Variants in ADAMTS17 observed in about 807,000 individuals in gnomAD.
The protein encoded by ADAMTS17 is A disintegrin and metalloproteinase with thrombospondin motifs 17.
In ADAMTS17, 113 loss-of-function variants were observed where a neutral mutation model predicts 141.5. That is an observed-to-expected ratio of 0.80 (90% confidence interval 0.69 to 0.93). The LOEUF (loss-of-function observed/expected upper bound fraction) is 0.93, where lower values mean the gene tolerates loss of function less well. Ranked by LOEUF, ADAMTS17 falls within the 40% of genes least tolerant of loss-of-function variation. The probability of loss-of-function intolerance (pLI) is 0.00; values close to 1 mark genes in which losing one functional copy is unlikely to be tolerated. For synonymous variants in ADAMTS17, 768 were observed against 630.6 expected, an observed-to-expected ratio of 1.22 and a Z score of -3.27; for missense variants, 1,659 against 1,517.9, an observed-to-expected ratio of 1.09 and a Z score of -1.54.
At chr15:100,062,944 C>T (rs1055987893) in intron 15 of ADAMTS17, among the ~76,000 whole-genome samples, 7 of 152,194 alleles carry the variant, frequency 4.6e-5, no homozygotes, top group African/African-American at 1.7e-4. Context: ...CTGCTGTCTC[C>T]ACTTCTGTGT....
At chr15:100,133,371 C>G in intron 10 of ADAMTS17, 56 bp from the exon 11 acceptor site, 3 of 1,518,606 alleles carry the variant, frequency 2.0e-6, no homozygotes, top group Non-Finnish European at 2.7e-6. Flanking sequence ...TCACAGGTCA[C>G]AGCTGGGGTC....
chr15:99,997,653 T>C lies in ADAMTS17; in HGVS notation c.2592-64A>G. The C allele has an allele frequency of 6.2e-6, 10 of 1,600,098 alleles. No individual in the cohort carries two copies. On this transcript the variant is annotated intron_variant, in intron 18 of 21. Transcript: ENST00000268070. This position sits in a 1 kb window ranked among gnomAD's most constrained non-coding sequence, Gnocchi z 4.7. Reference sequence around the variant, plus strand: ...GAGAGGCCAGCCTCTCCGGAGGGCCTTCCGGCCGGATCCTGGAATTGCTGC... The same window carrying C: ...GAGAGGCCAGCCTCTCCGGAGGGCCCTCCGGCCGGATCCTGGAATTGCTGC...
intron 8 of ADAMTS17, among the ~76,000 whole-genome samples, chr15:100,191,683 C>G (rs2040922408): frequency 6.6e-6 from 1 of 152,266 alleles, no homozygotes; most frequent in Non-Finnish European, 1.5e-5. Context: ...CCCACAGTCA[C>G]AAATGCTCCT....
At chr15:100,282,133 C>T (rs2044306110) in intron 3 of ADAMTS17, among the ~76,000 whole-genome samples, 1 of 152,176 alleles carries the variant, frequency 6.6e-6, no homozygotes, top group Admixed American at 6.5e-5. Context: ...CTGCCATAGT[C>T]TTTGTACATG....
chr15:100,290,439 A>C (rs952772506), intron 3 of ADAMTS17, among the ~76,000 whole-genome samples: 2 of 152,232 alleles, frequency 1.3e-5, no homozygotes, highest in East Asian at 3.8e-4. Flanking sequence ...TGTCCAAAGC[A>C]ATTTATAGAT....
At chr15:100,171,183 T>A (rs888762213) in intron 8 of ADAMTS17, among the ~76,000 whole-genome samples, 3 of 152,074 alleles carry the variant, frequency 2.0e-5, no homozygotes, top group African/African-American at 7.2e-5. Flanking sequence ...GCCTCCAAAG[T>A]TCAAAGACCT....
At chr15:100,133,870 A>T (rs1165268981) in intron 10 of ADAMTS17, among the ~76,000 whole-genome samples, 1 of 150,472 alleles carries the variant, frequency 6.6e-6, no homozygotes, top group African/African-American at 2.4e-5. Flanking sequence ...CCCTGCGGTC[A>T]CCTGTTTCTA....
rs1040869325 is a variant in ADAMTS17, at chr15:100,039,957, G to A, written c.2591+8900C>T. 2.6e-5 allele frequency among the ~76,000 whole-genome samples: 4 copies of A among 152,116 alleles called. No individual in the cohort carries two copies. The East Asian group carries it at 7.7e-4, about 29-fold the overall frequency. On this transcript the variant is annotated intron_variant, in intron 18 of 21. Transcript: ENST00000268070. ...GCCCTTTTATCATCATAAAATGTCT[G>A]TATTCTAGTAGTTTTTTTAAAAAAA...
At chr15:100,104,211 G>A (rs1252775334) in intron 14 of ADAMTS17, among the ~76,000 whole-genome samples, 1 of 152,174 alleles carries the variant, frequency 6.6e-6, no homozygotes, top group South Asian at 2.1e-4. Context: ...GTGTATCAGA[G>A]GCTTATTAAC....
intron 8 of ADAMTS17, chr15:100,168,308 G>A (rs1792380534): frequency 6.6e-6 from 1 of 152,232 alleles, no homozygotes; most frequent in Non-Finnish European, 1.5e-5. Context: ...ACACAGCAGA[G>A]CTGAAGAGTA....
At chr15:100,168,182 T>C (rs2040022719) in intron 8 of ADAMTS17, among the ~76,000 whole-genome samples, 1 of 152,186 alleles carries the variant, frequency 6.6e-6, no homozygotes, top group Non-Finnish European at 1.5e-5. Context: ...CATGGCTCCA[T>C]TCACCTCTCC....
chr15:100,026,368 T>C (rs1452451232), intron 18 of ADAMTS17, among the ~76,000 whole-genome samples: 1 of 152,244 alleles, frequency 6.6e-6, no homozygotes, highest in Non-Finnish European at 1.5e-5. Flanking sequence ...ACATGTCTTG[T>C]ACAACTTGCT....
intron 3 of ADAMTS17, among the ~76,000 whole-genome samples, chr15:100,304,516 T>G (rs1016277733): frequency 3.3e-5 from 5 of 152,194 alleles, no homozygotes; most frequent in African/African-American, 1.2e-4. Context: ...TTATAAATCT[T>G]TGATCAATGC....
At chr15:100,219,788 A>G (rs2042076482) in intron 7 of ADAMTS17, among the ~76,000 whole-genome samples, 1 of 152,220 alleles carries the variant, frequency 6.6e-6, no homozygotes, top group Non-Finnish European at 1.5e-5. Flanking sequence ...GAAACCTGGA[A>G]GCATTCAGAA....
chr15:100,294,655 C>A (rs924250448), intron 3 of ADAMTS17, among the ~76,000 whole-genome samples: 7 of 152,130 alleles, frequency 4.6e-5, no homozygotes, highest in Non-Finnish European at 7.4e-5. Context: ...TGCATTGAGC[C>A]ATGACCGTGC....
chr15:100,046,463 T>G (rs1224606855), intron 18 of ADAMTS17, among the ~76,000 whole-genome samples: 2 of 152,176 alleles, frequency 1.3e-5, no homozygotes, highest in Non-Finnish European at 2.9e-5. Flanking sequence ...CTGTGCATAA[T>G]TTTAAAAAGA....
intron 8 of ADAMTS17, among the ~76,000 whole-genome samples, chr15:100,156,140 C>A (rs889341932): frequency 3.3e-5 from 5 of 152,346 alleles, no homozygotes; most frequent in African/African-American, 1.2e-4. Flanking sequence ...TAACGGACCA[C>A]AAGGAAAAGA....
intron 7 of ADAMTS17, among the ~76,000 whole-genome samples, chr15:100,233,810 G>C (rs147996801): frequency 1.2e-3 from 178 of 152,184 alleles, no homozygotes; most frequent in African/African-American, 4.1e-3. Context: ...TGCCAAGCTG[G>C]AGATGGAGGC....
chr15:100,254,319 C>G (rs747030331), intron 6 of ADAMTS17, 140 bp from the exon 7 acceptor site: 1 of 788,722 alleles, frequency 1.3e-6, no homozygotes, highest in Non-Finnish European at 2.1e-6. Flanking sequence ...TGATAACAAA[C>G]AGCAGCGTTT....
Sources: allele counts gnomAD v4.1 joint callset (sites outside exome capture counted in the v4.1 genomes callset), GRCh38; gene constraint gnomAD v4.1.1; non-coding constraint Gnocchi (gnomAD v3.1); transcripts MANE v1.5; gene names NCBI Gene and HGNC (gene_info 2026-07-23, HGNC 2026-07-21).